LEPROTL1: variants seen among roughly 807,000 people sequenced by gnomAD.
LEPROTL1 encodes the protein leptin receptor overlapping transcript-like 1.
Under a neutral mutation model 15.4 loss-of-function variants are expected in LEPROTL1, and 6 were observed. The observed-to-expected ratio is 0.39, with a 90% CI of 0.21 to 0.77. The LOEUF is 0.77. LEPROTL1 is among the 30% of genes least tolerant of loss of function. LEPROTL1 has a pLI of 0.41. For missense variants in LEPROTL1, 128 were observed against 158.1 expected, an observed-to-expected ratio of 0.81 and a Z score of 1.02; for synonymous variants, 56 against 52.6, an observed-to-expected ratio of 1.06 and a Z score of -0.28.
intron 3 of LEPROTL1, among the ~76,000 whole-genome samples, chr8:30,126,014 G>C (rs538869092): frequency 6.6e-6 from 1 of 152,286 alleles, no homozygotes; most frequent in South Asian, 2.1e-4. Flanking sequence ...CATCTCCTAT[G>C]TTATAAATCT....
At chr8:30,095,850 G>A in intron 1 of LEPROTL1, 1 of 701,772 alleles carries the variant, frequency 1.4e-6, no homozygotes. Context: ...GACTTGGACG[G>A]CCACACACGT....
At chr8:30,132,533 A>G (rs1563220600) in intron 4 of LEPROTL1, 1 of 1,551,644 alleles carries the variant, frequency 6.4e-7, no homozygotes, top group Non-Finnish European at 8.7e-7. Flanking sequence ...ACATAGATGC[A>G]CTCGAATTGC....
At chr8:30,129,276 C>T (rs1802955259) in intron 3 of LEPROTL1, among the ~76,000 whole-genome samples, 1 of 152,186 alleles carries the variant, frequency 6.6e-6, no homozygotes, top group African/African-American at 2.4e-5. Flanking sequence ...TAAGATTGGG[C>T]TCGTTGTTTG....
At chr8:30,110,295 G>C (rs1228262866), downstream of LEPROTL1, among the ~76,000 whole-genome samples, 2 of 152,186 alleles carry the variant, frequency 1.3e-5, no homozygotes, top group African/African-American at 4.8e-5. Context: ...CTATGAGTGA[G>C]AGATTAAGAC....
At chr8:30,128,682 G>A (rs968072053) in intron 3 of LEPROTL1, among the ~76,000 whole-genome samples, 3 of 151,620 alleles carry the variant, frequency 2.0e-5, no homozygotes, top group Non-Finnish European at 2.9e-5. Flanking sequence ...AGCCCAGGAG[G>A]CAGAGGTTGC....
chr8:30,121,409 C>T (rs556750040), intron 3 of LEPROTL1, among the ~76,000 whole-genome samples: 4 of 152,152 alleles, frequency 2.6e-5, no homozygotes, highest in Admixed American at 6.5e-5. Flanking sequence ...CCCGCCACCA[C>T]GCCAGGCTAA....
chr8:30,118,155 G>C (rs941445399), intron 3 of LEPROTL1, among the ~76,000 whole-genome samples: 17 of 150,980 alleles, frequency 1.1e-4, no homozygotes, highest in Non-Finnish European at 2.4e-4. Context: ...TTCCTAAGTA[G>C]CTGGGATTAC....
At chr8:30,110,156 A>G (rs976314758), downstream of LEPROTL1, among the ~76,000 whole-genome samples, 1 of 152,196 alleles carries the variant, frequency 6.6e-6, no homozygotes, top group Non-Finnish European at 1.5e-5. Flanking sequence ...CAGTCTCTTG[A>G]AGATTATTTG....
intron 4 of LEPROTL1, among the ~76,000 whole-genome samples, chr8:30,136,422 C>G (rs932150188): frequency 6.6e-6 from 1 of 152,192 alleles, no homozygotes; most frequent in African/African-American, 2.4e-5. Context: ...TCAGTGACTT[C>G]CAGCCTCCAG....
intron 3 of LEPROTL1, among the ~76,000 whole-genome samples, chr8:30,129,757 A>ACACACAC (rs1491288246): frequency 6.9e-6 from 1 of 145,566 alleles, no homozygotes; most frequent in Admixed American, 6.8e-5. Flanking sequence ...ACACACACAC[A>ACACACAC]AAGAACTACC....
chr8:30,108,243 C>G lies in LEPROTL1; in HGVS notation c.*2381C>G, dbSNP rs1802603305. The G allele has an allele frequency of 6.4e-6, 1 of 156,826 alleles. No homozygotes were observed. The highest frequency in any genetic ancestry group is 1.4e-5 in the Non-Finnish European group (1 of 72,376). The allele number at this position is 156,826 out of a possible 1,614,324, so 9.7% of individuals were successfully genotyped here. A position where few individuals can be genotyped will look rare whatever the true frequency, so the allele number is the denominator to read the frequency against. Reference sequence around the variant, plus strand: ...TAGTTACAGATATTACAATGCAGCCCTGTAATTTTGAGCTGTAGTAAAAGG... The same window carrying G: ...TAGTTACAGATATTACAATGCAGCCGTGTAATTTTGAGCTGTAGTAAAAGG... On this transcript the variant is annotated 3_prime_UTR_variant, in exon 4 of 4. Transcript: ENST00000321250.
intron 4 of LEPROTL1, among the ~76,000 whole-genome samples, chr8:30,136,084 T>G (rs894441683): frequency 1.3e-5 from 2 of 152,132 alleles, no homozygotes; most frequent in African/African-American, 2.4e-5. Context: ...GAAAGCAAGG[T>G]AGCCTCCAAA....
chr8:30,095,537 G>C lies in LEPROTL1; in HGVS notation c.16+9G>C. The C allele has an allele frequency of 7.0e-7, 1 of 1,424,758 alleles. No homozygotes were observed. Among genetic ancestry groups the C allele is most frequent in the Admixed American group, 2.9e-5 (1 of 34,642 alleles). The allele number at this position is 1,424,758 out of a possible 1,614,324, so 88.3% of individuals were successfully genotyped here. On this transcript the variant is annotated intron_variant, in intron 1 of 3. Transcript: ENST00000321250. ...CATGGCAGGCATCAAAGGTGGGCCT[G>C]GGTTGCAGGACGCGGGAGGGCTGGG...
chr8:30,136,326 T>A (rs183281269), intron 4 of LEPROTL1, among the ~76,000 whole-genome samples: 1 of 152,054 alleles, frequency 6.6e-6, no homozygotes, highest in Admixed American at 6.5e-5. Context: ...GACAGAGGAG[T>A]GACCATCACG....
intron 3 of LEPROTL1, among the ~76,000 whole-genome samples, chr8:30,114,167 C>G (rs1802698245): frequency 6.6e-6 from 1 of 152,058 alleles, no homozygotes. Context: ...ACAATGTATT[C>G]TCCTTCCTTT....
downstream of LEPROTL1, among the ~76,000 whole-genome samples, chr8:30,112,852 G>C (rs1195086378): frequency 6.6e-6 from 1 of 151,872 alleles, no homozygotes. Flanking sequence ...CTTACCAATT[G>C]CCTGTATTGC....
At chr8:30,115,458 A>G (rs1585471373) in intron 3 of LEPROTL1, among the ~76,000 whole-genome samples, 1 of 149,684 alleles carries the variant, frequency 6.7e-6, no homozygotes, top group African/African-American at 2.5e-5. Context: ...TGCACCCTTG[A>G]TCTCCCTGGG....
chr8:30,115,069 T>C (rs1240806316), intron 3 of LEPROTL1, among the ~76,000 whole-genome samples: 1 of 152,144 alleles, frequency 6.6e-6, no homozygotes, highest in Non-Finnish European at 1.5e-5. Flanking sequence ...TTTTTTCTGA[T>C]ATAAATACTG....
chr8:30,123,528 C>T (rs1278094392), intron 3 of LEPROTL1, among the ~76,000 whole-genome samples: 1 of 152,186 alleles, frequency 6.6e-6, no homozygotes, highest in Non-Finnish European at 1.5e-5. Flanking sequence ...GTCTTGCAGT[C>T]ATTTTACTAC....
Sources: gnomAD v4.1 joint callset for allele counts (sites outside exome capture counted in the v4.1 genomes callset) on GRCh38, gnomAD v4.1.1 for gene constraint, MANE v1.5 for transcripts, NCBI Gene and HGNC (gene_info 2026-07-23, HGNC 2026-07-21) for gene names.